The following DPP6 variants were observed in gnomAD, a reference collection of about 807,000 sequenced individuals.
DPP6 encodes A-type potassium channel modulatory protein DPP6.
DPP6 carries 69 observed loss-of-function variants against 122.6 expected under a neutral mutation model. The observed-to-expected ratio is 0.56, with a 90% CI of 0.46 to 0.69. The LOEUF (loss-of-function observed/expected upper bound fraction) is 0.69. DPP6 is among the 30% of genes least tolerant of loss of function. DPP6 has a pLI of 0.00. For missense variants in DPP6, 928 were observed against 1,116.9 expected, an observed-to-expected ratio of 0.83 and a Z score of 2.41; for synonymous variants, 418 against 433.1, an observed-to-expected ratio of 0.97 and a Z score of 0.43.
At chr7:154,557,719 CAAAT>C (rs1038957779) in intron 4 of DPP6, among the ~76,000 whole-genome samples, 17 of 152,004 alleles carry the variant, frequency 1.1e-4, no homozygotes, top group African/African-American at 3.6e-4. Context: ...AAAAGAAAAA[CAAAT>C]GAATGAACCA....
intron 1 of DPP6, among the ~76,000 whole-genome samples, chr7:153,972,032 AT>A (rs1796045448): frequency 6.6e-6 from 1 of 150,520 alleles, no homozygotes; most frequent in African/African-American, 2.4e-5. Flanking sequence ...AAAACACATC[AT>A]TCGTGTATTT....
upstream of DPP6, among the ~76,000 whole-genome samples, chr7:154,050,920 G>A (rs993205608): frequency 2.7e-5 from 4 of 149,212 alleles, no homozygotes; most frequent in African/African-American, 7.4e-5. Flanking sequence ...GAAAGCTTGG[G>A]GAAGGGAGGC....
intron 16 of DPP6, among the ~76,000 whole-genome samples, chr7:154,852,676 T>G (rs1426715429): frequency 6.6e-6 from 1 of 152,224 alleles, no homozygotes; most frequent in Non-Finnish European, 1.5e-5. Context: ...TTCTTGACTG[T>G]CTCGGAGCTT....
chr7:154,269,216 G>A lies in DPP6; in HGVS notation c.244-176998G>A, dbSNP rs117357290. Among the ~76,000 whole-genome samples, 921 of 152,158 alleles carry A rather than the reference G, an allele frequency of 6.1e-3. 6 individuals carry two copies. Among genetic ancestry groups the A allele is most frequent in the Admixed American group, 0.012 (179 of 15,282 alleles). On this transcript the variant is annotated intron_variant, in intron 1 of 25. Transcript: ENST00000377770. ...ATAAATGGGGAAACCGAAGATCAAA[G>A]AATTGAATCATGGCTAAAACCACAC...
chr7:154,682,855 G>A (rs905359044), intron 7 of DPP6, among the ~76,000 whole-genome samples: 2 of 152,192 alleles, frequency 1.3e-5, no homozygotes, highest in Non-Finnish European at 2.9e-5. Flanking sequence ...TGCCTTACTC[G>A]TGCTAGAGCA....
intron 1 of DPP6, among the ~76,000 whole-genome samples, chr7:153,976,544 A>G (rs1295771428): frequency 1.3e-5 from 2 of 152,228 alleles, no homozygotes; most frequent in African/African-American, 4.8e-5. Context: ...GGAAAAATGT[A>G]TTTTGCCAAA....
intron 10 of DPP6, among the ~76,000 whole-genome samples, chr7:154,791,753 G>T (rs1041423625): frequency 6.6e-6 from 1 of 152,206 alleles, no homozygotes; most frequent in Non-Finnish European, 1.5e-5. Context: ...AGAGCTTTAA[G>T]CAGGAACAGT....
chr7:154,661,933 C>T (rs1321044591), intron 6 of DPP6, among the ~76,000 whole-genome samples: 8 of 150,398 alleles, frequency 5.3e-5, no homozygotes, highest in South Asian at 4.2e-4. Context: ...ATCACCATGG[C>T]GTATTGGCGG....
intron 5 of DPP6, among the ~76,000 whole-genome samples, chr7:154,567,320 T>TGTA (rs1830823940): frequency 6.6e-6 from 1 of 152,184 alleles, no homozygotes; most frequent in South Asian, 2.1e-4. Context: ...TCCTGGTCAT[T>TGTA]GTAGTGTTCT....
At chr7:154,857,260 A>G (rs1802922684) in intron 17 of DPP6, among the ~76,000 whole-genome samples, 1 of 152,162 alleles carries the variant, frequency 6.6e-6, no homozygotes, top group African/African-American at 2.4e-5. Flanking sequence ...CTCAGTGTCT[A>G]TGTTACATTC....
intron 7 of DPP6, among the ~76,000 whole-genome samples, chr7:154,676,159 C>T (rs1838886342): frequency 6.6e-6 from 1 of 151,414 alleles, no homozygotes; most frequent in South Asian, 2.1e-4. Context: ...ACCATGTGAC[C>T]TCCTACACAG....
intron 4 of DPP6, among the ~76,000 whole-genome samples, chr7:154,551,122 T>C (rs185074584): frequency 7.7e-4 from 118 of 152,362 alleles, no homozygotes; most frequent in African/African-American, 2.7e-3. Context: ...TTTTACAAAC[T>C]TCTTTTACCA....
At chr7:154,013,437 G>A (rs1798243076) in intron 1 of DPP6, among the ~76,000 whole-genome samples, 1 of 148,658 alleles carries the variant, frequency 6.7e-6, no homozygotes, top group Non-Finnish European at 1.5e-5. Flanking sequence ...GTATTCCTCA[G>A]AGAAACCTCA....
chr7:154,582,674 C>A (rs989291029), intron 5 of DPP6, among the ~76,000 whole-genome samples: 15 of 152,202 alleles, frequency 9.9e-5, no homozygotes, highest in Admixed American at 2.0e-4. Flanking sequence ...TCTCCCACCG[C>A]AAAATAAAGC....
chr7:154,446,273 T>A lies in DPP6; in HGVS notation c.303T>A (p.Leu101=), dbSNP rs780740414. 2 of 1,612,784 alleles carry A rather than the reference T, an allele frequency of 1.2e-6. No homozygotes were observed. Residue 101 remains leucine, a synonymous_variant, in exon 2 of 26, where the codon CTT becomes CTA. Transcript: ENST00000377770. ...RNWKGIAIAL[L]VILVICSLIV... is the part of the protein sequence containing the mutation. The stretch of plus-strand genomic sequence containing the variant: ...GGAAAGGAATAGCAATTGCACTGCT[T>A]GTCATTCTGGTCATCTGCTCCTTGA...
chr7:153,806,273 C>G, the DPP6 span, among the ~76,000 whole-genome samples: 1 of 151,994 alleles, frequency 6.6e-6, no homozygotes, highest in African/African-American at 2.4e-5. Flanking sequence ...CTGTTCCCAG[C>G]TCCTCCACCA....
the DPP6 span, among the ~76,000 whole-genome samples, chr7:153,871,119 T>C: frequency 6.6e-6 from 1 of 152,198 alleles, no homozygotes; most frequent in Admixed American, 6.5e-5. Context: ...GAGGAGGCAG[T>C]CTGCCCATTC....
chr7:154,879,528 C>T lies in DPP6; in HGVS notation c.2079-1360C>T, dbSNP rs1411322698. 1.2e-3 allele frequency among the ~76,000 whole-genome samples: 115 copies of T among 93,224 alleles called. 12 individuals carry two copies. Among genetic ancestry groups the T allele is most frequent in the Non-Finnish European group, 1.9e-3 (99 of 51,952 alleles). The allele number at this position is 93,224 out of a possible 152,430, so 61.2% of individuals were successfully genotyped here. On this transcript the variant is annotated intron_variant, in intron 20 of 25. Coordinates refer to ENST00000377770, the MANE Select transcript of DPP6 (RefSeq NM_130797.4). ...TGGCGTGAACCCCAGGGGGCGGAGC[C>T]TGCAGTGAGCCGAGATTGTGCCACT...
chr7:153,949,038 C>T (rs1038812709), intron 1 of DPP6, among the ~76,000 whole-genome samples: 4 of 152,132 alleles, frequency 2.6e-5, no homozygotes, highest in South Asian at 2.1e-4. Context: ...GATTAATAGA[C>T]GACTGAATTG....
Sources: gnomAD v4.1 joint callset for allele counts (sites outside exome capture counted in the v4.1 genomes callset) on GRCh38, gnomAD v4.1.1 for gene constraint, MANE v1.5 for transcripts, NCBI Gene and HGNC (gene_info 2026-07-23, HGNC 2026-07-21) for gene names.